LSG1: variants seen among roughly 807,000 people sequenced by gnomAD.
LSG1 encodes the protein large subunit GTPase 1 homolog.
In LSG1, 55 loss-of-function variants were observed where a neutral mutation model predicts 82.6. That is an observed-to-expected ratio of 0.67 (90% CI 0.54 to 0.83). LSG1 has a LOEUF of 0.83. Ranked by LOEUF, LSG1 falls within the 40% of genes least tolerant of loss-of-function variation. The pLI, the probability that LSG1 is intolerant of heterozygous loss-of-function variation, is 0.00. For synonymous variants in LSG1, 272 were observed against 282.5 expected, an observed-to-expected ratio of 0.96 and a Z score of 0.37; for missense variants, 809 against 807.9, an observed-to-expected ratio of 1.00 and a Z score of -0.02.
chr3:194,642,227 G>A lies in LSG1; in HGVS notation c.1818C>T (p.Thr606=). ...FFHQENVRAL[T]KGVQAVMGYK... ...AACCCATCACAGCCTGGACTCCTTT[G>A]GTCAAAGCCCTCACATTCTCCTAGG... The change falls in exon 14 of 14, where the codon ACC becomes ACT. Residue 606 remains threonine (T), a synonymous_variant. Transcript: ENST00000265245. 2.5e-6 allele frequency: 4 copies of A among 1,612,734 alleles called. No homozygotes were observed. The highest frequency in any genetic ancestry group is 1.3e-5 in the African/African-American group (1 of 74,852).
intron 4 of LSG1, 107 bp downstream of exon 4, chr3:194,666,096 C>T: frequency 1.0e-6 from 1 of 969,376 alleles, no homozygotes; most frequent in Non-Finnish European, 1.6e-6. Context: ...GCTACCATTT[C>T]CTTCTTAAAA....
At chr3:194,668,601 T>G (rs1443467714) in intron 2 of LSG1, among the ~76,000 whole-genome samples, 1 of 152,228 alleles carries the variant, frequency 6.6e-6, no homozygotes, top group Non-Finnish European at 1.5e-5. Flanking sequence ...CCTCTTATTT[T>G]CTCCCTTCTT....
chr3:194,653,386 A>G (rs904564299), intron 7 of LSG1, among the ~76,000 whole-genome samples: 5 of 152,042 alleles, frequency 3.3e-5, no homozygotes, highest in Admixed American at 6.6e-5. Flanking sequence ...GTGGTGGTGC[A>G]CACCTGTAAT....
Position 194,666,524 on chromosome 3 carries a change from AG to A in LSG1, c.274del (p.Leu92CysfsTer46). ...FVPAEARTGL[L>X]SFEESQRIKK... ...AATTCTCTGGCTCTCCTCGAAAGAC[AG>A]TAGTCCAGTTCTAGCCTCAGCAGGC... On this transcript the variant is annotated frameshift_variant, in exon 3 of 14. Transcript: ENST00000265245. LOFTEE classifies it high-confidence loss of function. The A allele has an allele frequency of 6.2e-7, 1 of 1,613,778 alleles. No homozygotes were observed. The highest frequency in any genetic ancestry group is 1.1e-5 in the South Asian group (1 of 91,070).
At chr3:194,645,509 CACACACACACACACACACACAGACAG>C (rs1718504794) in intron 12 of LSG1, 15 of 51,316 alleles carry the variant, frequency 2.9e-4, no homozygotes, top group African/African-American at 5.7e-4. Context: ...CACACACACA[CACACACACACACACACACACAGACAG>C]ACACACACAC....
rs181739351 is a variant in LSG1, at chr3:194,654,813, G to A, written c.760-1671C>T. Among the ~76,000 whole-genome samples, 6 of 152,252 alleles carry A rather than the reference G, an allele frequency of 3.9e-5. No individual in the cohort carries two copies. In the East Asian group the frequency reaches 7.7e-4, roughly 20 times the overall value. On this transcript the variant is annotated intron_variant, in intron 7 of 13. Transcript: ENST00000265245. ...GAAAGAAGGAAAAAGTCAAGCTTTC[G>A]GGGAACACAGTGCACTTTCAAGGTG... is the stretch of plus-strand genomic sequence containing the variant.
At chr3:194,665,711 C>A in intron 4 of LSG1, 68 bp from the exon 5 acceptor site, 1 of 860,472 alleles carries the variant, frequency 1.2e-6, no homozygotes, top group Non-Finnish European at 1.9e-6. Flanking sequence ...AGTGTAAATG[C>A]TCAAATTTAT....
chr3:194,668,214 G>A lies in LSG1; in HGVS notation c.227-1642C>T, dbSNP rs182776301. On this transcript the variant is annotated intron_variant, in intron 2 of 13. Transcript: ENST00000265245. ...CTTTTTGGTGTTTCCACTTTTTGGTGATTACGAATAATGCTGCTATGAATA... is the reference window on the plus strand; with the variant it reads ...CTTTTTGGTGTTTCCACTTTTTGGTAATTACGAATAATGCTGCTATGAATA... 2.0e-3 allele frequency among the ~76,000 whole-genome samples: 298 copies of A among 152,080 alleles called. 2 individuals are homozygous for A. The highest frequency in any genetic ancestry group is 3.6e-3 in the Admixed American group (55 of 15,286).
intron 13 of LSG1, among the ~76,000 whole-genome samples, chr3:194,644,369 A>G (rs891784116): frequency 9.9e-6 from 1 of 101,054 alleles, no homozygotes. Context: ...ACTCCGTCTC[A>G]AAAAAAAAAA....
At chr3:194,661,118 A>G (rs1273678488) in intron 5 of LSG1, among the ~76,000 whole-genome samples, 5 of 152,252 alleles carry the variant, frequency 3.3e-5, no homozygotes, top group Non-Finnish European at 5.9e-5. Context: ...CATTTAGGAC[A>G]TTCTTTTGAC....
chr3:194,650,267 G>A (rs1718647320), intron 10 of LSG1, among the ~76,000 whole-genome samples: 3 of 152,078 alleles, frequency 2.0e-5, no homozygotes, highest in Non-Finnish European at 2.9e-5. Context: ...TTCCATGCTG[G>A]GCACTGTCCT....
At chr3:194,664,697 C>T (rs1310562613) in intron 5 of LSG1, among the ~76,000 whole-genome samples, 2 of 151,784 alleles carry the variant, frequency 1.3e-5, no homozygotes, top group African/African-American at 2.4e-5. Context: ...GGGTGGATCA[C>T]GAGGTCAGGA....
At chr3:194,656,181 C>G (rs534662818) in intron 7 of LSG1, among the ~76,000 whole-genome samples, 124 of 151,852 alleles carry the variant, frequency 8.2e-4, no homozygotes, top group Admixed American at 6.2e-3. Flanking sequence ...AGCTTCTGCA[C>G]AGCAAAAGAA....
intron 8 of LSG1, 122 bp from the exon 9 acceptor site, chr3:194,651,338 A>T (rs1307908348): frequency 2.9e-6 from 2 of 681,864 alleles, no homozygotes; most frequent in Non-Finnish European, 5.2e-6. Flanking sequence ...AATTATTTGA[A>T]ATCCATGCTG....
chr3:194,666,473 T>C lies in LSG1; in HGVS notation c.326A>G (p.Gln109Arg), dbSNP rs41266989. ...TCACCTCCTCGGTATACACAAGAAC[T>C]GTTTGTTTTCTTCATGGAGCTTCTT... The part of the protein sequence containing the change: ...RIKKLHEENK[Q>R]FLCIPRRPNW... The change falls in exon 3 of 14, where the codon CAG becomes CGG. Residue 109 changes from glutamine to arginine, a missense_variant. By Grantham distance (43) the Gln-to-Arg change is conservative. Transcript: ENST00000265245. The C allele has an allele frequency of 1.2e-6, 2 of 1,614,040 alleles. No homozygotes were observed. The highest frequency in any genetic ancestry group is 1.7e-5 in the Admixed American group (1 of 59,992).
chr3:194,644,133 A>C (rs111920593), intron 13 of LSG1, among the ~76,000 whole-genome samples: 26 of 151,478 alleles, frequency 1.7e-4, no homozygotes, highest in African/African-American at 5.6e-4. Context: ...GAGGCCGAGG[A>C]GGGTGGATCA....
At chr3:194,664,197 C>G (rs1482515905) in intron 5 of LSG1, among the ~76,000 whole-genome samples, 1 of 152,162 alleles carries the variant, frequency 6.6e-6, no homozygotes, top group African/African-American at 2.4e-5. Flanking sequence ...AAGTGATCCA[C>G]CTGCCTGGAC....
At position 194,642,191 on chromosome 3, in the gene LSG1, C is replaced by T. The variant is rs1368367015; in HGVS notation, c.1854G>A (p.Gly618=). ...GVQAVMGYKP[G]SGVVTASTAS... ...CAGTGGATGCAGTCACTACACCACT[C>T]CCGGGCTTGTAACCCATCACAGCCT... The change falls in exon 14 of 14, where the codon GGG becomes GGA. Residue 618 remains glycine, a synonymous_variant. Transcript: ENST00000265245. 1.2e-6 allele frequency: 2 copies of T among 1,614,012 alleles called. No homozygotes were observed. Among genetic ancestry groups the T allele is most frequent in the Non-Finnish European group, 1.7e-6 (2 of 1,180,042 alleles).
intron 13 of LSG1, among the ~76,000 whole-genome samples, chr3:194,643,139 G>A (rs1182012073): frequency 1.3e-5 from 2 of 152,216 alleles, no homozygotes; most frequent in Non-Finnish European, 2.9e-5. Context: ...GTACAATTAT[G>A]TGATTTAGCT....
Sources: allele counts gnomAD v4.1 joint callset (sites outside exome capture counted in the v4.1 genomes callset), GRCh38; gene constraint gnomAD v4.1.1; transcripts MANE v1.5; gene names NCBI Gene and HGNC (gene_info 2026-07-23, HGNC 2026-07-21).